SLC25A48: variants seen among roughly 807,000 people sequenced by gnomAD.
SLC25A48 encodes the protein CTC-321K16.1.
Under a neutral mutation model 32.2 loss-of-function variants are expected in SLC25A48, and 29 were observed. That is an observed-to-expected ratio of 0.90 (90% CI 0.67 to 1.23). The LOEUF (loss-of-function observed/expected upper bound fraction) is 1.23. Among genes scored for constraint, SLC25A48 ranks in the 50% most tolerant of loss-of-function variants. SLC25A48 has a pLI of 0.00. For synonymous variants in SLC25A48, 164 were observed against 172.3 expected (o/e 0.95, Z 0.38); for missense variants, 399 against 422.7 (o/e 0.94, Z 0.49).
chr5:135,616,371 A>G (rs965882917), intron 1 of SLC25A48, among the ~76,000 whole-genome samples: 10 of 152,214 alleles, frequency 6.6e-5, no homozygotes, highest in Admixed American at 5.9e-4. Flanking sequence ...CCACAGGAAC[A>G]GAGCTGCCCA....
chr5:135,691,482 C>T (rs1037708578), intron 3 of SLC25A48, among the ~76,000 whole-genome samples: 1 of 152,172 alleles, frequency 6.6e-6, no homozygotes, highest in Non-Finnish European at 1.5e-5. Flanking sequence ...CTGGAAGAGC[C>T]AGGCACTGCA....
upstream of SLC25A48, among the ~76,000 whole-genome samples, chr5:135,830,248 C>A (rs984123991): frequency 6.6e-5 from 10 of 152,232 alleles, no homozygotes; most frequent in African/African-American, 2.4e-4. Flanking sequence ...TCTTTTCCGC[C>A]CGAGAGCCTC....
intron 3 of SLC25A48, among the ~76,000 whole-genome samples, chr5:135,761,562 G>A (rs1756060863): frequency 6.6e-6 from 1 of 152,112 alleles, no homozygotes; most frequent in African/African-American, 2.4e-5. Context: ...AACCATTACT[G>A]AAAATGTTGT....
chr5:135,753,589 A>G (rs1356675906), intron 3 of SLC25A48, among the ~76,000 whole-genome samples: 1 of 151,942 alleles, frequency 6.6e-6, no homozygotes, highest in African/African-American at 2.4e-5. Flanking sequence ...TATCTCAAGA[A>G]TATTATGCCT....
At chr5:135,795,702 C>T (rs534127098) in intron 3 of SLC25A48, among the ~76,000 whole-genome samples, 34 of 150,656 alleles carry the variant, frequency 2.3e-4, no homozygotes, top group African/African-American at 6.8e-4. Flanking sequence ...CCCCATAACG[C>T]GGGAAGTCTA....
chr5:135,866,929 A>C (rs1212112091), intron 4 of SLC25A48, among the ~76,000 whole-genome samples: 1 of 152,216 alleles, frequency 6.6e-6, no homozygotes, highest in South Asian at 2.1e-4. Context: ...TTTGAGGTAC[A>C]TAATCTCTAT....
At chr5:135,855,293 T>G (rs549973825) in intron 4 of SLC25A48, among the ~76,000 whole-genome samples, 1 of 152,276 alleles carries the variant, frequency 6.6e-6, no homozygotes, top group Non-Finnish European at 1.5e-5. Flanking sequence ...ATGAAATATC[T>G]GGGAAGTGAA....
chr5:135,785,471 T>C (rs1231555955), intron 3 of SLC25A48, among the ~76,000 whole-genome samples: 2 of 148,278 alleles, frequency 1.3e-5, no homozygotes, highest in African/African-American at 5.0e-5. Flanking sequence ...CCATGGATGG[T>C]AATATCCAGG....
At chr5:135,778,346 C>T (rs1191570252) in intron 3 of SLC25A48, among the ~76,000 whole-genome samples, 5 of 151,132 alleles carry the variant, frequency 3.3e-5, no homozygotes, top group African/African-American at 1.2e-4. Flanking sequence ...ATATTACTCC[C>T]AATATCGCAG....
At chr5:135,674,395 T>C (rs1753722822) in intron 3 of SLC25A48, among the ~76,000 whole-genome samples, 1 of 152,068 alleles carries the variant, frequency 6.6e-6, no homozygotes, top group Non-Finnish European at 1.5e-5. Flanking sequence ...TAACTAATGG[T>C]ATGTCTGTAC....
intron 3 of SLC25A48, among the ~76,000 whole-genome samples, chr5:135,803,435 T>A (rs906211914): frequency 8.6e-5 from 13 of 151,960 alleles, no homozygotes; most frequent in African/African-American, 2.9e-4. Context: ...GTGTACACCC[T>A]GTGATATTAT....
chr5:135,611,027 G>A (rs371216663), intron 1 of SLC25A48, among the ~76,000 whole-genome samples: 127 of 152,282 alleles, frequency 8.3e-4, no homozygotes, highest in African/African-American at 3.0e-3. Flanking sequence ...TAATAAAGGT[G>A]GGAGTGTTCC....
rs139551202 is a variant in SLC25A48 at position 135,803,744 on chromosome 5, T to A, written c.-520-8779T>A. Among the ~76,000 whole-genome samples the A allele has an allele frequency of 9.1e-3, 1,376 of 151,624 alleles. 9 individuals carry two copies. The highest frequency in any genetic ancestry group is 0.015 in the Non-Finnish European group (992 of 67,658). ...ATCAAAGGGTGTACAGGCACTGTAA[T>A]AGGATATCGCCCTGTGTGTATACCC... On this transcript the variant is annotated intron_variant, in intron 3 of 10. Transcript: ENST00000646290.
intron 7 of SLC25A48, among the ~76,000 whole-genome samples, chr5:135,886,210 C>G (rs947134009): frequency 2.6e-5 from 4 of 152,074 alleles, no homozygotes; most frequent in African/African-American, 9.7e-5. Context: ...AGCTAGGGCT[C>G]CCTGCTGGAT....
chr5:135,694,498 C>T (rs1754222356), intron 3 of SLC25A48, among the ~76,000 whole-genome samples: 1 of 152,244 alleles, frequency 6.6e-6, no homozygotes, highest in African/African-American at 2.4e-5. Context: ...AGAACTCTGT[C>T]AGCTCCCATT....
intron 3 of SLC25A48, among the ~76,000 whole-genome samples, chr5:135,727,991 C>T (rs1561465801): frequency 6.6e-6 from 1 of 152,132 alleles, no homozygotes; most frequent in Non-Finnish European, 1.5e-5. Context: ...CACGGTGGCT[C>T]ACACCTGTAA....
Position 135,871,714 on chromosome 5 carries a change from G to A in SLC25A48, c.675G>A (p.Met225Ile). 6.2e-7 allele frequency: 1 copy of A among 1,613,048 alleles called. No individual in the cohort carries two copies. Among genetic ancestry groups the A allele is most frequent in the Non-Finnish European group, 8.5e-7 (1 of 1,179,456 alleles). ...SPCAVWLAGG[M>I]AGAISWGTAT... The stretch of plus-strand genomic sequence containing the variant: ...GTGCCGTGTGGCTGGCGGGCGGCAT[G>A]GCAGGTAAGGGCAGCAGCAGCTGGA... The change falls in exon 5 of 8, where the codon ATG becomes ATA. Residue 225 changes from methionine (M) to isoleucine (I), a missense_variant. Transcript: ENST00000681962.
intron 4 of SLC25A48, among the ~76,000 whole-genome samples, chr5:135,856,314 T>C (rs76202085): frequency 4.2e-3 from 647 of 152,296 alleles, no homozygotes; most frequent in Non-Finnish European, 7.3e-3. Flanking sequence ...GTCTCCAGCT[T>C]GATCTTGGCC....
intron 3 of SLC25A48, among the ~76,000 whole-genome samples, chr5:135,647,923 C>T (rs1315744810): frequency 6.6e-6 from 1 of 152,066 alleles, no homozygotes; most frequent in Non-Finnish European, 1.5e-5. Flanking sequence ...TCATTTCCTG[C>T]CTTGGGCCTG....
Sources: allele counts gnomAD v4.1 joint callset (sites outside exome capture counted in the v4.1 genomes callset), GRCh38; gene constraint gnomAD v4.1.1; transcripts MANE v1.5; gene names NCBI Gene and HGNC (gene_info 2026-07-23, HGNC 2026-07-21).